WDR45: variants seen among roughly 807,000 people sequenced by gnomAD.
WDR45 encodes the protein WD repeat domain phosphoinositide-interacting protein 4.
In WDR45, 2 loss-of-function variants were observed where a neutral mutation model predicts 27.3. That is an observed-to-expected ratio of 0.07 (90% CI 0.03 to 0.23). The LOEUF is 0.23. WDR45 is among the 10% of genes least tolerant of loss of function. The pLI is 1.00. For missense variants in WDR45, 175 were observed against 311.9 expected (o/e 0.56, Z 3.31); for synonymous variants, 99 against 119.2 (o/e 0.83, Z 1.11).
At chrX:49,082,776 C>T (rs1355981634), upstream of WDR45, among the ~76,000 whole-genome samples, 1 of 110,894 alleles carries the variant, frequency 9.0e-6, no homozygotes. Context: ...TGCAGTGGCA[C>T]GATCTCGGCT....
intron 7 of WDR45, 21 bp from the exon 8 acceptor site, chrX:49,075,774 C>A (rs1437967375): frequency 1.7e-6 from 2 of 1,198,733 alleles, no homozygotes; most frequent in Non-Finnish European, 2.2e-6. Flanking sequence ...AGGGAGGAGT[C>A]TGAGGTTGGG....
At chrX:49,090,267 T>C (rs1341291843) in intron 2 of WDR45, among the ~76,000 whole-genome samples, 2 of 111,258 alleles carry the variant, frequency 1.8e-5, no homozygotes, top group Non-Finnish European at 3.8e-5. Flanking sequence ...TTTCATCATG[T>C]TGGCCAGGCT....
intron 2 of WDR45, among the ~76,000 whole-genome samples, chrX:49,095,894 C>T (rs1007578336): frequency 5.7e-5 from 6 of 104,754 alleles, no homozygotes; most frequent in Admixed American, 2.2e-4. Context: ...TCCTGAGTAG[C>T]TAGAATTACA....
At chrX:49,097,726 G>A (rs1233819838) in intron 2 of WDR45, among the ~76,000 whole-genome samples, 4 of 107,935 alleles carry the variant, frequency 3.7e-5, no homozygotes, top group Admixed American at 1.0e-4. Flanking sequence ...GCGCAATCTC[G>A]GCTCACTGCA....
At chrX:49,078,521 C>CG (rs1203789543) in intron 1 of WDR45, among the ~76,000 whole-genome samples, 1 of 111,552 alleles carries the variant, frequency 9.0e-6, no homozygotes, top group African/African-American at 3.3e-5. Context: ...GACTCCGTCT[C>CG]GGGGGGAAGA....
At chrX:49,095,701 C>T (rs1413074801) in intron 2 of WDR45, among the ~76,000 whole-genome samples, 3 of 103,041 alleles carry the variant, frequency 2.9e-5, no homozygotes, top group Non-Finnish European at 3.9e-5. Context: ...ACCTCATGAT[C>T]CGCCCACCTT....
chrX:49,080,888 A>ATT (rs782319738), upstream of WDR45, among the ~76,000 whole-genome samples: 93 of 42,400 alleles, frequency 2.2e-3, 1 homozygote, highest in Middle Eastern at 0.027. Flanking sequence ...ACTGGAAGGA[A>ATT]TTTTTTTTTT....
At chrX:49,085,871 A>G (rs1557085840) in intron 2 of WDR45, among the ~76,000 whole-genome samples, 1 of 112,106 alleles carries the variant, frequency 8.9e-6, no homozygotes, top group East Asian at 2.8e-4. Context: ...ATAAATACAT[A>G]AATAAAATGG....
At chrX:49,091,574 C>T (rs1373349941) in intron 2 of WDR45, among the ~76,000 whole-genome samples, 5 of 99,047 alleles carry the variant, frequency 5.0e-5, no homozygotes, top group African/African-American at 1.8e-4. Context: ...AAGGTGAAAC[C>T]CCGTCTCTAC....
upstream of WDR45, chrX:49,080,366 A>G (rs985536622): frequency 9.0e-6 from 1 of 111,676 alleles, no homozygotes; most frequent in Non-Finnish European, 1.9e-5. Context: ...CCGGGAAGCC[A>G]AGGAACAGAT....
intron 1 of WDR45, chrX:49,100,579 T>C (rs1342344502): frequency 8.8e-6 from 1 of 113,984 alleles, no homozygotes; most frequent in Non-Finnish European, 1.9e-5. Context: ...GTGGTCACCT[T>C]ACCTATGATG....
chrX:49,092,250 GGTGGGGCA>G (rs1460174874), intron 2 of WDR45, among the ~76,000 whole-genome samples: 1 of 109,825 alleles, frequency 9.1e-6, no homozygotes, highest in African/African-American at 3.3e-5. Flanking sequence ...TTGGGGATGA[GGTGGGGCA>G]GTTAGGAAGG....
intron 1 of WDR45, chrX:49,078,940 C>T (rs1383317969): frequency 8.9e-6 from 1 of 111,991 alleles, no homozygotes; most frequent in African/African-American, 3.3e-5. Context: ...TCTGCTCATA[C>T]CCTTCTAACT....
Position 49,075,366 on chromosome X carries a change from G to A in WDR45, c.825C>T (p.Ser275=), listed in dbSNP as rs374483460. 8.0e-5 allele frequency: 96 copies of A among 1,205,755 alleles called. No homozygotes were observed. In the Admixed American group the frequency reaches 1.0e-3, roughly 13 times the overall value. Residue 275 remains serine (S), a splice_region_variant and synonymous_variant, in exon 9 of 11, where the codon TCC becomes TCT. Transcript: ENST00000376372. ...ALKDTRLNRR[S]ALARVGKVGP... is the part of the protein sequence containing the mutation. Reference sequence around the variant, plus strand: ...TAGGGTGGGGAGGGGGTACTCACGCGGAGCGGCGGTTGAGGCGGGTATCCT... The same window carrying A: ...TAGGGTGGGGAGGGGGTACTCACGCAGAGCGGCGGTTGAGGCGGGTATCCT...
At chrX:49,091,795 T>G (rs1170221327) in intron 2 of WDR45, among the ~76,000 whole-genome samples, 34 of 91,599 alleles carry the variant, frequency 3.7e-4, no homozygotes, top group African/African-American at 1.4e-3. Flanking sequence ...AGAAGGAATT[T>G]AGAAGAGTTC....
intron 2 of WDR45, among the ~76,000 whole-genome samples, chrX:49,094,470 G>T (rs1209775232): frequency 9.1e-6 from 1 of 110,156 alleles, no homozygotes; most frequent in Admixed American, 9.8e-5. Context: ...CTGTCTCAAA[G>T]AAAAAAAATT....
At chrX:49,093,325 C>T (rs1297808401) in intron 2 of WDR45, among the ~76,000 whole-genome samples, 2 of 110,583 alleles carry the variant, frequency 1.8e-5, no homozygotes, top group Admixed American at 2.0e-4. Flanking sequence ...TCTTGTCACC[C>T]AGGCTGGAGT....
intron 4 of WDR45, 75 bp downstream of exon 4, chrX:49,077,568 C>T (rs2065044836): frequency 1.1e-6 from 1 of 940,063 alleles, no homozygotes. Context: ...TCTTCATCTG[C>T]CAGTACCTTG....
intron 2 of WDR45, among the ~76,000 whole-genome samples, chrX:49,089,786 C>A (rs1402290484): frequency 1.5e-3 from 109 of 72,893 alleles, no homozygotes; most frequent in Admixed American, 2.4e-3. Flanking sequence ...AACCTTATCT[C>A]AAAAAAAAAA....
Sources: allele counts gnomAD v4.1 joint callset (sites outside exome capture counted in the v4.1 genomes callset), GRCh38; gene constraint gnomAD v4.1.1; transcripts MANE v1.5; gene names NCBI Gene and HGNC (gene_info 2026-07-23, HGNC 2026-07-21).